FBLN5: variants seen among roughly 807,000 people sequenced by gnomAD.
FBLN5 encodes fibulin 5, also known as fibulin-5.
FBLN5 carries 24 observed loss-of-function variants against 61.6 expected under a neutral mutation model. That is an observed-to-expected ratio of 0.39 (90% CI 0.28 to 0.55). The LOEUF is 0.55. Among genes scored for constraint, FBLN5 ranks in the 20% least tolerant of loss-of-function variants. The pLI, the probability that FBLN5 is intolerant of heterozygous loss-of-function variation, is 0.65. For missense variants in FBLN5, 470 were observed against 594.1 expected (o/e 0.79, Z 2.17); for synonymous variants, 213 against 219.8 (o/e 0.97, Z 0.27).
chr14:91,930,898 C>T (rs1297645202), intron 4 of FBLN5, among the ~76,000 whole-genome samples: 2 of 152,172 alleles, frequency 1.3e-5, no homozygotes, highest in Non-Finnish European at 2.9e-5. Flanking sequence ...AGTTTTAGGT[C>T]ATTTTAAAGG....
intron 4 of FBLN5, among the ~76,000 whole-genome samples, chr14:91,934,149 T>C (rs374661784): frequency 5.3e-5 from 8 of 152,184 alleles, no homozygotes; most frequent in African/African-American, 1.7e-4. Flanking sequence ...GAGGTTGCAG[T>C]GATTGTGCCA....
intron 4 of FBLN5, among the ~76,000 whole-genome samples, chr14:91,902,637 A>T (rs548653525): frequency 3.3e-4 from 50 of 152,276 alleles, no homozygotes; most frequent in African/African-American, 1.2e-3. Flanking sequence ...TAAAATGTAG[A>T]TTCTAATTCA....
intron 5 of FBLN5, among the ~76,000 whole-genome samples, chr14:91,893,503 T>C (rs1353101761): frequency 1.3e-5 from 2 of 152,236 alleles, no homozygotes. Flanking sequence ...AGCTTTTCTT[T>C]GTTTCCATGA....
chr14:91,928,268 T>G (rs1275127980), intron 4 of FBLN5, among the ~76,000 whole-genome samples: 1 of 152,252 alleles, frequency 6.6e-6, no homozygotes, highest in African/African-American at 2.4e-5. Flanking sequence ...AGATTTAGAA[T>G]AGTAGAACAT....
chr14:91,906,800 G>A lies in FBLN5; in HGVS notation c.380-11728C>T, dbSNP rs546241517. The stretch of plus-strand genomic sequence containing the variant: ...CTCCCACCATAAAGGCACAGTGCCC[G>A]AGTCCCACTGCCCCCAATGCCTCTG... On this transcript the variant is annotated intron_variant, in intron 4 of 10. Coordinates refer to ENST00000342058, the MANE Select transcript of FBLN5 (RefSeq NM_006329.4). Among the ~76,000 whole-genome samples, 18 of 152,278 alleles carry A rather than the reference G, an allele frequency of 1.2e-4. No individual in the cohort carries two copies. In the East Asian group the frequency reaches 3.3e-3, roughly 28 times the overall value.
At chr14:91,912,323 C>A (rs373168428) in intron 4 of FBLN5, among the ~76,000 whole-genome samples, 22 of 152,158 alleles carry the variant, frequency 1.4e-4, no homozygotes, top group African/African-American at 5.1e-4. Flanking sequence ...ATAGCGAGAC[C>A]CTGTCTCTAC....
chr14:91,889,719 A>G (rs965605952), intron 6 of FBLN5, among the ~76,000 whole-genome samples: 1 of 152,148 alleles, frequency 6.6e-6, no homozygotes, highest in African/African-American at 2.4e-5. Flanking sequence ...GGAGTATGCG[A>G]CGCCCTGTGC....
intron 9 of FBLN5, chr14:91,877,940 G>A: frequency 1.7e-6 from 1 of 584,916 alleles, no homozygotes; most frequent in Non-Finnish European, 3.2e-6. Context: ...TAGATCTCTG[G>A]TTTTCAGAAC....
rs1211863293 is a variant in FBLN5 at position 91,891,214 on chromosome 14, C to T, written c.619+7G>A. 6.6e-7 allele frequency: 1 copy of T among 1,507,758 alleles called. No individual in the cohort carries two copies. Among genetic ancestry groups the T allele is most frequent in the Non-Finnish European group, 9.2e-7 (1 of 1,082,836 alleles). The allele number at this position is 1,507,758 out of a possible 1,614,324, so 93.4% of individuals were successfully genotyped here. A position where few individuals can be genotyped will look rare whatever the true frequency, so the allele number is the denominator to read the frequency against. On this transcript the variant is annotated splice_region_variant and intron_variant, in intron 6 of 10. Transcript: ENST00000342058. ...ATCATGTCCAAGTTATCATGCACGT[C>T]ACATACCTTGGCAAGACCTTCCATC...
At chr14:91,887,977 C>T (rs1349180164) in intron 6 of FBLN5, among the ~76,000 whole-genome samples, 1 of 152,132 alleles carries the variant, frequency 6.6e-6, no homozygotes, top group African/African-American at 2.4e-5. Flanking sequence ...TTATTATACA[C>T]TGACTATGCA....
rs960372842 is a variant in FBLN5, at chr14:91,936,230, A to C, written c.379+717T>G. 4.6e-5 allele frequency among the ~76,000 whole-genome samples: 7 copies of C among 152,378 alleles called. No individual in the cohort carries two copies. In the East Asian group the frequency reaches 1.3e-3, roughly 29 times the overall value. On this transcript the variant is annotated intron_variant, in intron 4 of 10. Transcript: ENST00000342058. ...ACTTTTGGGGTAGAGGAAAAAAGTA[A>C]TAAAACTTCAATTCATATATATTTT...
At chr14:91,911,803 GAA>G (rs55665890) in intron 4 of FBLN5, among the ~76,000 whole-genome samples, 47 of 141,162 alleles carry the variant, frequency 3.3e-4, no homozygotes, top group African/African-American at 7.2e-4. Flanking sequence ...GGAAAAGACG[GAA>G]AAAAAAAAAA....
At chr14:91,903,228 CAG>C (rs1184851357) in intron 4 of FBLN5, among the ~76,000 whole-genome samples, 1 of 152,132 alleles carries the variant, frequency 6.6e-6, no homozygotes, top group African/African-American at 2.4e-5. Context: ...CTAGCCAAAA[CAG>C]AATGCTTTTC....
At chr14:91,887,142 C>T (rs1889760994) in intron 7 of FBLN5, 51 bp downstream of exon 7, 1 of 1,609,628 alleles carries the variant, frequency 6.2e-7, no homozygotes, top group Non-Finnish European at 8.5e-7. Context: ...CCTTCAACCC[C>T]TGCCCAGGCC....
chr14:91,875,986 T>C (rs1566798246), intron 10 of FBLN5, among the ~76,000 whole-genome samples: 1 of 152,222 alleles, frequency 6.6e-6, no homozygotes, highest in Non-Finnish European at 1.5e-5. Context: ...CATTGACTGT[T>C]TCACCCCCAC....
chr14:91,887,671 T>C (rs1489840002), intron 6 of FBLN5, among the ~76,000 whole-genome samples: 1 of 152,170 alleles, frequency 6.6e-6, no homozygotes, highest in Non-Finnish European at 1.5e-5. Flanking sequence ...ACCGGTTGCA[T>C]TCCATCAGTG....
rs372791222 is a variant in FBLN5, at chr14:91,877,610, G to A, written c.1062C>T (p.Asp354=). 152 of 1,613,786 alleles carry A rather than the reference G, an allele frequency of 9.4e-5. No homozygotes were observed. The highest frequency in any genetic ancestry group is 1.1e-4 in the Non-Finnish European group (134 of 1,179,816). The part of the protein sequence containing the change: ...QPFTILYRDM[D]VVSGRSVPAD... ...CGGGAACGGAGCGTCCTGACACCAC[G>A]TCCATGTCCCGGTACAAGATGGTAA... Residue 354 remains aspartate (D), a synonymous_variant, in exon 10 of 11, where the codon GAC becomes GAT. Transcript: ENST00000342058.
At position 91,934,705 on chromosome 14, in the gene FBLN5, T is replaced by C. The variant is rs954495221; in HGVS notation, c.379+2242A>G. Reference sequence around the variant, plus strand: ...GCTGTGCTCTGGAAAACACCCACATTCTCTGGGCAGTGACACCTCCACACT... The same window carrying C: ...GCTGTGCTCTGGAAAACACCCACATCCTCTGGGCAGTGACACCTCCACACT... On this transcript the variant is annotated intron_variant, in intron 4 of 10. Transcript: ENST00000342058. Among the ~76,000 whole-genome samples the C allele has an allele frequency of 3.9e-5, 6 of 152,174 alleles. No homozygotes were observed. In the South Asian group the frequency reaches 8.3e-4, roughly 21 times the overall value.
chr14:91,906,012 G>A (rs528378769), intron 4 of FBLN5, among the ~76,000 whole-genome samples: 38 of 152,034 alleles, frequency 2.5e-4, no homozygotes, highest in African/African-American at 8.7e-4. Flanking sequence ...TCAGCCTCCC[G>A]AATGGATGGG....
Sources: gnomAD v4.1 joint callset for allele counts (sites outside exome capture counted in the v4.1 genomes callset) on GRCh38, gnomAD v4.1.1 for gene constraint, MANE v1.5 for transcripts, NCBI Gene and HGNC (gene_info 2026-07-23, HGNC 2026-07-21) for gene names.